PHTF1: variants seen among roughly 807,000 people sequenced by gnomAD.
PHTF1 encodes the protein protein PHTF1.
Under a neutral mutation model 102.4 loss-of-function variants are expected in PHTF1, and 88 were observed. The ratio of observed to expected loss-of-function variants is 0.86; its 90% CI spans 0.72 to 1.03. The LOEUF is 1.03. Among genes scored for constraint, PHTF1 ranks in the 50% least tolerant of loss-of-function variants. PHTF1 has a pLI of 0.00. For missense variants in PHTF1, 814 were observed against 909.5 expected (o/e 0.89, Z 1.35); for synonymous variants, 289 against 305.2 (o/e 0.95, Z 0.55).
chr1:113,712,818 G>A (rs1289763839), intron 8 of PHTF1, among the ~76,000 whole-genome samples: 1 of 142,174 alleles, frequency 7.0e-6, no homozygotes, highest in African/African-American at 2.7e-5. Context: ...ACGGAGTCTC[G>A]CTGTGTCTCC....
intron 17 of PHTF1, 105 bp downstream of exon 17, chr1:113,699,598 AG>A: frequency 1.4e-6 from 1 of 692,378 alleles, no homozygotes. Flanking sequence ...GTCCACTTCC[AG>A]GACCCCTCCC....
chr1:113,718,872 T>C (rs1325936686), intron 7 of PHTF1, among the ~76,000 whole-genome samples: 1 of 152,240 alleles, frequency 6.6e-6, no homozygotes, highest in Non-Finnish European at 1.5e-5. Context: ...GGGGCTGCCA[T>C]GAAAGTGTCT....
chr1:113,748,074 C>T (rs2101671900), intron 3 of PHTF1, among the ~76,000 whole-genome samples: 1 of 152,264 alleles, frequency 6.6e-6, no homozygotes, highest in East Asian at 1.9e-4. Flanking sequence ...AACTCCCAGG[C>T]TCAAAGGACC....
chr1:113,700,081 C>A, intron 16 of PHTF1: 5 of 1,083,974 alleles, frequency 4.6e-6, no homozygotes, highest in Non-Finnish European at 5.6e-6. Flanking sequence ...ACATAATTAG[C>A]ACGTAAGCAC....
At position 113,718,202 on chromosome 1, in the gene PHTF1, T is replaced by C. The variant is rs146562319; in HGVS notation, c.624-4764A>G. Among the ~76,000 whole-genome samples the C allele has an allele frequency of 1.1e-3, 173 of 152,296 alleles. 1 individual carries two copies. The highest frequency in any genetic ancestry group is 4.0e-3 in the African/African-American group (167 of 41,560). On this transcript the variant is annotated intron_variant, in intron 7 of 18. Transcript: ENST00000369604. ...AGGGGTTACAGGGCCCTTGCAAGTCTGAAATCCAGTGGGGGAGTCAAATTT... is the reference window on the plus strand; with the variant it reads ...AGGGGTTACAGGGCCCTTGCAAGTCCGAAATCCAGTGGGGGAGTCAAATTT...
chr1:113,721,405 T>G (rs149235134), intron 7 of PHTF1, among the ~76,000 whole-genome samples: 1 of 152,182 alleles, frequency 6.6e-6, no homozygotes, highest in African/African-American at 2.4e-5. Context: ...GGTATCATAC[T>G]GAATGAGGAA....
At chr1:113,758,832 A>G in intron 1 of PHTF1, 99 bp from the exon 2 acceptor site, 7 of 1,403,390 alleles carry the variant, frequency 5.0e-6, no homozygotes, top group Non-Finnish European at 6.5e-6. Flanking sequence ...CCTCTCCATG[A>G]GCTGCTCTTT....
At chr1:113,707,841 G>C (rs1471745781) in intron 11 of PHTF1, among the ~76,000 whole-genome samples, 1 of 152,132 alleles carries the variant, frequency 6.6e-6, no homozygotes, top group Non-Finnish European at 1.5e-5. Flanking sequence ...TATAAGAAAG[G>C]CTTCCTGAAG....
chr1:113,715,648 C>CAAAAAAAAAAAAAAAAAAAAAAAAAAA (rs60517410), intron 7 of PHTF1, among the ~76,000 whole-genome samples: 1 of 24,960 alleles, frequency 4.0e-5, no homozygotes, highest in Non-Finnish European at 7.9e-5. Flanking sequence ...AACCCTGTCT[C>CAAAAAAAAAAAAAAAAAAAAAAAAAAA]AAAAAAAAAA....
Position 113,759,095 on chromosome 1 carries a change from G to C in PHTF1, c.-103C>G. The C allele has an allele frequency of 1.0e-6, 1 of 991,004 alleles. No homozygotes were observed. The highest frequency in any genetic ancestry group is 1.2e-6 in the Non-Finnish European group (1 of 833,746). 61.4% of individuals were successfully genotyped at this position (991,004 alleles called of 1,614,324 possible). A position where few individuals can be genotyped will look rare whatever the true frequency, so the allele number is the denominator to read the frequency against. ...GTGCCCGGGGTCCCACCGTGAGGCC[G>C]GGGGCGAGGCGGCGGGCCAGGCAGG... On this transcript the variant is annotated 5_prime_UTR_variant, in exon 1 of 19. Transcript: ENST00000369604.
At chr1:113,752,576 G>C (rs1471404100) in intron 3 of PHTF1, among the ~76,000 whole-genome samples, 1 of 150,782 alleles carries the variant, frequency 6.6e-6, no homozygotes, top group East Asian at 1.9e-4. Context: ...AGTAGAGATG[G>C]GGTTTCACCA....
At chr1:113,698,568 T>G (rs1336501940) in intron 17 of PHTF1, among the ~76,000 whole-genome samples, 181 bp from the exon 18 acceptor site, 3 of 151,466 alleles carry the variant, frequency 2.0e-5, no homozygotes, top group Admixed American at 6.6e-5. Flanking sequence ...CTAACTAAGA[T>G]TTTTTTAGGT....
intron 5 of PHTF1, among the ~76,000 whole-genome samples, chr1:113,733,561 G>T (rs1055839245): frequency 2.0e-5 from 3 of 151,986 alleles, no homozygotes; most frequent in African/African-American, 7.2e-5. Flanking sequence ...AGCTGATTAG[G>T]TCATGAGGGC....
chr1:113,759,002 T>G, intron 1 of PHTF1, 21 bp downstream of exon 1: 30 of 1,039,772 alleles, frequency 2.9e-5, no homozygotes, highest in East Asian at 2.6e-4. Flanking sequence ...CCTCCTTCGC[T>G]CGCCCGCGTC....
chr1:113,702,167 C>T (rs528332719), intron 15 of PHTF1, among the ~76,000 whole-genome samples: 2 of 151,980 alleles, frequency 1.3e-5, no homozygotes, highest in East Asian at 3.9e-4. Flanking sequence ...GTTCTAAGGG[C>T]CTAGCATTAT....
intron 3 of PHTF1, among the ~76,000 whole-genome samples, chr1:113,744,382 A>G (rs1411646895): frequency 1.3e-5 from 2 of 152,226 alleles, no homozygotes; most frequent in Non-Finnish European, 2.9e-5. Flanking sequence ...AGAAATCTCT[A>G]TTTCCTAGGG....
intron 15 of PHTF1, among the ~76,000 whole-genome samples, chr1:113,701,615 G>C (rs377071378): frequency 6.6e-6 from 1 of 151,684 alleles, no homozygotes; most frequent in Non-Finnish European, 1.5e-5. Context: ...CCAGGGCTAC[G>C]TAGGCTCCCA....
intron 3 of PHTF1, among the ~76,000 whole-genome samples, chr1:113,744,177 C>A (rs1265133859): frequency 6.6e-6 from 1 of 152,180 alleles, no homozygotes; most frequent in Non-Finnish European, 1.5e-5. Flanking sequence ...CTCTGCAGAT[C>A]CCCAGCTGTA....
chr1:113,736,340 TC>T (rs1437879087), intron 5 of PHTF1, among the ~76,000 whole-genome samples: 6 of 116,408 alleles, frequency 5.2e-5, no homozygotes, highest in Non-Finnish European at 7.0e-5. Context: ...AGACTCCATC[TC>T]AAAAAAAAAA....
Sources: allele counts gnomAD v4.1 joint callset (sites outside exome capture counted in the v4.1 genomes callset), GRCh38; gene constraint gnomAD v4.1.1; transcripts MANE v1.5; gene names NCBI Gene and HGNC (gene_info 2026-07-23, HGNC 2026-07-21).